ZBTB47: variants seen among roughly 807,000 people sequenced by gnomAD.
The protein encoded by ZBTB47 is zinc finger and BTB domain-containing protein 47.
A neutral mutation model predicts 56.6 loss-of-function variants in ZBTB47; 24 were observed. That is an observed-to-expected ratio of 0.42 (90% confidence interval 0.31 to 0.60). ZBTB47 has a LOEUF of 0.60. Among genes scored for constraint, ZBTB47 ranks in the 20% least tolerant of loss-of-function variants. The pLI is 0.14. For missense variants in ZBTB47, 829 were observed against 1,032.6 expected, an observed-to-expected ratio of 0.80 and a Z score of 2.70; for synonymous variants, 414 against 418.9, an observed-to-expected ratio of 0.99 and a Z score of 0.14.
At chr3:42,653,681 G>A (rs1050744207), upstream of ZBTB47, 6 of 152,526 alleles carry the variant, frequency 3.9e-5, no homozygotes, top group Non-Finnish European at 8.8e-5. Flanking sequence ...CCCAGCAGAG[G>A]CTGAGCAAGG....
At chr3:42,662,300 T>A (rs1191869040) in intron 3 of ZBTB47, among the ~76,000 whole-genome samples, 1 of 152,156 alleles carries the variant, frequency 6.6e-6, no homozygotes, top group Admixed American at 6.5e-5. Flanking sequence ...CAGGTCCTAA[T>A]CCCTTTCTCC....
chr3:42,664,063 TG>T (rs1167987408), intron 5 of ZBTB47, 122 bp downstream of exon 5: 6 of 1,472,076 alleles, frequency 4.1e-6, no homozygotes, highest in Non-Finnish European at 5.5e-6. Context: ...CGTTTACCCA[TG>T]CTTCCTGCCT....
intron 2 of ZBTB47, among the ~76,000 whole-genome samples, chr3:42,661,108 G>T (rs1384448836): frequency 4.6e-5 from 7 of 152,212 alleles, no homozygotes; most frequent in Non-Finnish European, 7.3e-5. Flanking sequence ...TGTGGGACCT[G>T]TTATCTCTGC....
intron 1 of ZBTB47, 55 bp from the exon 2 acceptor site, chr3:42,658,220 G>T (rs1053072015): frequency 2.8e-6 from 4 of 1,430,214 alleles, no homozygotes; most frequent in Non-Finnish European, 3.7e-6. Flanking sequence ...GCTGGGGGAA[G>T]GGCGGGCAGG....
intron 2 of ZBTB47, 113 bp from the exon 3 acceptor site, chr3:42,661,372 C>T: frequency 3.2e-6 from 4 of 1,247,416 alleles, no homozygotes; most frequent in Non-Finnish European, 4.4e-6. Context: ...GCATCAAGGG[C>T]TCTCCAGCAT....
chr3:42,662,148 G>A (rs1295131206), intron 3 of ZBTB47, among the ~76,000 whole-genome samples: 1 of 152,118 alleles, frequency 6.6e-6, no homozygotes, highest in Non-Finnish European at 1.5e-5. Context: ...TTTTGGCCAC[G>A]CCACTGCCCC....
intron 5 of ZBTB47, 26 bp from the exon 6 acceptor site, chr3:42,664,211 C>G: frequency 6.2e-7 from 1 of 1,610,204 alleles, no homozygotes; most frequent in Non-Finnish European, 8.5e-7. Context: ...CTCACTGACG[C>G]CCTGCTGCCC....
chr3:42,664,562 T>C lies in ZBTB47; in HGVS notation c.2208T>C (p.Thr736=). 8.8e-7 allele frequency: 1 copy of C among 1,134,260 alleles called. No individual in the cohort carries two copies. The highest frequency in any genetic ancestry group is 1.1e-6 in the Non-Finnish European group (1 of 931,468). The allele number at this position is 1,134,260 out of a possible 1,614,324, so 70.3% of individuals were successfully genotyped here. The change falls in exon 6 of 6, where the codon ACT becomes ACC. Residue 736 remains threonine (T), a synonymous_variant. Transcript: ENST00000232974. ...CCCCGCCTCCGCTCTTCCCCACCACTGCCAGCCCCGGCGGGAGGATGAACG... is the reference window on the plus strand; with the variant it reads ...CCCCGCCTCCGCTCTTCCCCACCACCGCCAGCCCCGGCGGGAGGATGAACG... ...LPPPPPLFPT[T]ASPGGRMNAN...
rs1029176932 is a variant in ZBTB47 at position 42,654,805 on chromosome 3, C to G, written c.-82+922C>G. ...GGAGGGGCTGGAGGGATCTTCCCCCCTCCCCCGGTCTCCCGGCTCCATCTG... is the reference window on the plus strand; with the variant it reads ...GGAGGGGCTGGAGGGATCTTCCCCCGTCCCCCGGTCTCCCGGCTCCATCTG... On this transcript the variant is annotated intron_variant, in intron 1 of 5. Transcript: ENST00000232974. This position sits in a 1 kb window ranked among gnomAD's most constrained non-coding sequence, Gnocchi z 5.0. The G allele has an allele frequency of 6.0e-5, 37 of 615,980 alleles. No homozygotes were observed. The East Asian group carries it at 9.7e-4, about 16-fold the overall frequency. The allele number at this position is 615,980 out of a possible 1,614,324, so 38.2% of individuals were successfully genotyped here.
chr3:42,661,544 T>G lies in ZBTB47; in HGVS notation c.1533T>G (p.Ile511Met), dbSNP rs1710721266. The G allele has an allele frequency of 6.2e-7, 1 of 1,613,980 alleles. No homozygotes were observed. Among genetic ancestry groups the G allele is most frequent in the Non-Finnish European group, 8.5e-7 (1 of 1,179,874 alleles). Reference sequence around the variant, plus strand: ...GGTCCCTCCATGAGCATAACAAGATTGTGCACGGCTACGCAGAGAAGAAGT... The same window carrying G: ...GGTCCCTCCATGAGCATAACAAGATGGTGCACGGCTACGCAGAGAAGAAGT... The part of the protein sequence containing the change: ...KLWSLHEHNK[I>M]VHGYAEKKFS... The change falls in exon 3 of 6, where the codon ATT (isoleucine) becomes ATG (methionine). Residue 511 changes from isoleucine to methionine, a missense_variant. Coordinates refer to ENST00000232974, the MANE Select transcript of ZBTB47 (RefSeq NM_145166.4).
Position 42,663,747 on chromosome 3 carries a change from G to A in ZBTB47, c.1738-50G>A. ...CAGGGGAGCTGTTCCCTCCACAAAG[G>A]CTGCTCTTCTGCTCTGTGCCTGGGC... On this transcript the variant is annotated intron_variant, in intron 4 of 5. Coordinates refer to ENST00000232974, the MANE Select transcript of ZBTB47 (RefSeq NM_145166.4). The surrounding 1 kb of genome is among the most constrained non-coding windows in gnomAD (Gnocchi z 5.1). The A allele has an allele frequency of 2.5e-6, 4 of 1,598,724 alleles. No homozygotes were observed. The highest frequency in any genetic ancestry group is 3.4e-6 in the Non-Finnish European group (4 of 1,168,510).
At position 42,659,109 on chromosome 3, in the gene ZBTB47, G is replaced by C; in HGVS notation, c.754G>C (p.Glu252Gln). 2 of 1,499,194 alleles carry C rather than the reference G, an allele frequency of 1.3e-6. No individual in the cohort carries two copies. Among genetic ancestry groups the C allele is most frequent in the Non-Finnish European group, 1.8e-6 (2 of 1,127,204 alleles). 92.9% of individuals were successfully genotyped at this position (1,499,194 alleles called of 1,614,324 possible). Residue 252 changes from glutamate (E) to glutamine (Q), a missense_variant, in exon 2 of 6, where the codon GAG becomes CAG. Physicochemically the swap from Glu to Gln is conservative, Grantham distance 29. Transcript: ENST00000232974. ...NQTLHVSTGP[E>Q]GKPGAGPSPA... is the part of the protein sequence containing the mutation. ...GACACTGCACGTGTCCACGGGGCCA[G>C]AGGGGAAGCCAGGTGCCGGGCCAAG... is the stretch of plus-strand genomic sequence containing the variant.
intron 1 of ZBTB47, among the ~76,000 whole-genome samples, chr3:42,655,794 A>G (rs339726): frequency 0.46 from 70,573 of 152,128 alleles, 18,974 homozygotes; most frequent in African/African-American, 0.74. Flanking sequence ...CAATCAGGTC[A>G]TGAGGTTTAG....
rs755844873 is a variant in ZBTB47, at chr3:42,659,019, G to A, written c.664G>A (p.Gly222Ser). The stretch of plus-strand genomic sequence containing the variant: ...AGAAGAGTTGGAGGAAGAGCTTGGG[G>A]GTTCTGGCACCTACAGCCGCAGGGA... ...GGEELEEELG[G>S]SGTYSRREQS... The change falls in exon 2 of 6, where the codon GGT (glycine) becomes AGT (serine). Residue 222 changes from glycine to serine, a missense_variant. By Grantham distance (56) the Gly-to-Ser change is moderately conservative. Around this residue, in one of 6 missense-constraint regions of ZBTB47, gnomAD observed 359 missense variants for 359.8 expected, o/e 1.00. Transcript: ENST00000232974. 3 of 1,530,756 alleles carry A rather than the reference G, an allele frequency of 2.0e-6. No individual in the cohort carries two copies. The highest frequency in any genetic ancestry group is 1.2e-5 in the South Asian group (1 of 82,774). 94.8% of individuals were successfully genotyped at this position (1,530,756 alleles called of 1,614,324 possible).
chr3:42,658,163 A>T (rs1710659981), intron 1 of ZBTB47, 112 bp from the exon 2 acceptor site: 1 of 1,212,154 alleles, frequency 8.2e-7, no homozygotes, highest in African/African-American at 1.5e-5. Flanking sequence ...AAGTGGAGCC[A>T]CGAGTGATGG....
At position 42,661,537 on chromosome 3, in the gene ZBTB47, A is replaced by T; in HGVS notation, c.1526A>T (p.Asn509Ile). 1 of 1,614,058 alleles carries T rather than the reference A, an allele frequency of 6.2e-7. No individual in the cohort carries two copies. The highest frequency in any genetic ancestry group is 8.5e-7 in the Non-Finnish European group (1 of 1,179,898). Reference protein sequence around the residue: ...FKKLWSLHEHNKIVHGYAEKK... With the variant: ...FKKLWSLHEHIKIVHGYAEKK... ...AAGCTTTGGTCCCTCCATGAGCATA[A>T]CAAGATTGTGCACGGCTACGCAGAG... The change falls in exon 3 of 6, where the codon AAC (asparagine) becomes ATC (isoleucine). Residue 509 changes from asparagine to isoleucine, a missense_variant. By Grantham distance (149) the Asn-to-Ile change is moderately radical (BLOSUM62 -3). Around this residue, in one of 6 missense-constraint regions of ZBTB47, gnomAD observed 187 missense variants for 253.1 expected, o/e 0.74. Transcript: ENST00000232974.
upstream of ZBTB47, among the ~76,000 whole-genome samples, chr3:42,653,527 G>A (rs1323388416): frequency 6.6e-6 from 1 of 152,168 alleles, no homozygotes; most frequent in African/African-American, 2.4e-5. Context: ...TCCAGACCTT[G>A]CCAGGTCTAG....
In ZBTB47 at chr3:42,663,654, C is replaced by T. The variant is rs1192334883; in HGVS notation, c.1738-143C>T. The T allele has an allele frequency of 2.2e-5, 23 of 1,064,750 alleles. No individual in the cohort carries two copies. The highest frequency in any genetic ancestry group is 3.1e-5 in the Non-Finnish European group (23 of 747,604). 66.0% of individuals were successfully genotyped at this position (1,064,750 alleles called of 1,614,324 possible). A position where few individuals can be genotyped will look rare whatever the true frequency, so the allele number is the denominator to read the frequency against. On this transcript the variant is annotated intron_variant, in intron 4 of 5. Transcript: ENST00000232974. This position sits in a 1 kb window ranked among gnomAD's most constrained non-coding sequence, Gnocchi z 5.1. ...TACTGCCCACCCAGATGCACCTCGG[C>T]TTGCCCTCATGTCCCCATCTCCTTG...
rs1182472220 is a variant in ZBTB47 at position 42,654,555 on chromosome 3, C to T, written c.-82+672C>T. 7.7e-6 allele frequency: 3 copies of T among 391,092 alleles called. No homozygotes were observed. The highest frequency in any genetic ancestry group is 1.0e-5 in the Non-Finnish European group (3 of 288,682). 24.2% of individuals were successfully genotyped at this position (391,092 alleles called of 1,614,324 possible). A position where few individuals can be genotyped will look rare whatever the true frequency, so the allele number is the denominator to read the frequency against. ...GGCCCTGCGCCTCCGCCTGCCTGGC[C>T]GCGCCCCCGGGGGCCATGGTCGCGG... On this transcript the variant is annotated intron_variant, in intron 1 of 5. Coordinates refer to ENST00000232974, the MANE Select transcript of ZBTB47 (RefSeq NM_145166.4). The surrounding 1 kb of genome is among the most constrained non-coding windows in gnomAD (Gnocchi z 5.0).
Sources: gnomAD v4.1 joint callset for allele counts (sites outside exome capture counted in the v4.1 genomes callset) on GRCh38, gnomAD v4.1.1 for gene constraint, gnomAD v4.1.1 regional missense constraint, Gnocchi (gnomAD v3.1) non-coding constraint, MANE v1.5 for transcripts, NCBI Gene and HGNC (gene_info 2026-07-23, HGNC 2026-07-21) for gene names.